PLCG1: variants seen among roughly 807,000 people sequenced by gnomAD.
PLCG1 encodes 1-phosphatidylinositol 4,5-bisphosphate phosphodiesterase gamma-1.
In PLCG1, 71 loss-of-function variants were observed where a neutral mutation model predicts 177.8. The observed-to-expected ratio is 0.40, with a 90% CI of 0.33 to 0.49. The LOEUF is 0.49. PLCG1 is among the 20% of genes least tolerant of loss of function. PLCG1 has a pLI of 0.72. For missense variants in PLCG1, 1,281 were observed against 1,709.0 expected (o/e 0.75, Z 4.42); for synonymous variants, 658 against 647.9 (o/e 1.02, Z -0.24).
chr20:41,158,927 G>A (rs376711019), intron 1 of PLCG1, among the ~76,000 whole-genome samples: 2 of 152,238 alleles, frequency 1.3e-5, no homozygotes, highest in African/African-American at 4.8e-5. Flanking sequence ...ATTCAAGCCC[G>A]TGTACCTCTC....
At chr20:41,158,813 G>A (rs1021766786) in intron 1 of PLCG1, among the ~76,000 whole-genome samples, 1 of 152,220 alleles carries the variant, frequency 6.6e-6, no homozygotes, top group East Asian at 1.9e-4. Context: ...GAGAAACTCA[G>A]TCAAGCCCTT....
intron 1 of PLCG1, among the ~76,000 whole-genome samples, chr20:41,138,563 C>T (rs986907142): frequency 6.6e-6 from 1 of 150,932 alleles, no homozygotes; most frequent in African/African-American, 2.4e-5. Context: ...AATGCCAGGG[C>T]AGGGACTCCC....
chr20:41,165,156 C>T lies in PLCG1; in HGVS notation c.1386+55C>T. On this transcript the variant is annotated intron_variant, in intron 13 of 31. Coordinates refer to ENST00000685551, the MANE Select transcript of PLCG1 (RefSeq NM_002660.3). The surrounding 1 kb of genome is among the most constrained non-coding windows in gnomAD (Gnocchi z 6.6). Reference sequence around the variant, plus strand: ...CACACTTCTCAGTGCCTTGCCCAGGCCATGGCTTCAGCTGTTGGGCCTAAA... The same window carrying T: ...CACACTTCTCAGTGCCTTGCCCAGGTCATGGCTTCAGCTGTTGGGCCTAAA... The T allele has an allele frequency of 1.6e-5, 25 of 1,602,954 alleles. No individual in the cohort carries two copies. Among genetic ancestry groups the T allele is most frequent in the Non-Finnish European group, 2.0e-5 (24 of 1,173,110 alleles).
rs1050406589 is a variant in PLCG1 at position 41,151,400 on chromosome 20, G to A, written c.218-8206G>A. ...ACCAAGCTTGTCCAACTCGCTGCCC[G>A]CGGGTCTGGTTTGAAGGCAGCTGCT... On this transcript the variant is annotated intron_variant, in intron 1 of 31. Transcript: ENST00000685551. This position sits in a 1 kb window ranked among gnomAD's most constrained non-coding sequence, Gnocchi z 5.5. Among the ~76,000 whole-genome samples, 4 of 152,188 alleles carry A rather than the reference G, an allele frequency of 2.6e-5. No individual in the cohort carries two copies. The highest frequency in any genetic ancestry group is 7.2e-5 in the African/African-American group (3 of 41,440).
chr20:41,173,289 C>A lies in PLCG1; in HGVS notation c.3280-131C>A. On this transcript the variant is annotated intron_variant, in intron 27 of 31. Coordinates refer to ENST00000685551, the MANE Select transcript of PLCG1 (RefSeq NM_002660.3). The surrounding 1 kb of genome is among the most constrained non-coding windows in gnomAD (Gnocchi z 6.2). ...GGGTCCCTGATGTCGTGAGGGACTC[C>A]ATGGGCAGTGTCCCGGGGGCCCAGC... 1 of 891,708 alleles carries A rather than the reference C, an allele frequency of 1.1e-6. No individual in the cohort carries two copies. The highest frequency in any genetic ancestry group is 1.7e-6 in the Non-Finnish European group (1 of 592,874). The allele number at this position is 891,708 out of a possible 1,614,324, so 55.2% of individuals were successfully genotyped here.
rs1421764134 is a variant in PLCG1, at chr20:41,137,938, G to C, written c.217+80G>C. ...CGGCCCGACTGCTTGCACCCCGGCC[G>C]GCCGCCCCAGCGACTTGGGCAAACT... On this transcript the variant is annotated intron_variant, in intron 1 of 31. Transcript: ENST00000685551. This position sits in a 1 kb window ranked among gnomAD's most constrained non-coding sequence, Gnocchi z 7.3. 27 of 1,016,014 alleles carry C rather than the reference G, an allele frequency of 2.7e-5. No homozygotes were observed. Among genetic ancestry groups the C allele is most frequent in the Non-Finnish European group, 3.5e-5 (27 of 781,104 alleles). The allele number at this position is 1,016,014 out of a possible 1,614,324, so 62.9% of individuals were successfully genotyped here.
intron 1 of PLCG1, among the ~76,000 whole-genome samples, chr20:41,155,586 TC>T (rs543495298): frequency 1.2e-3 from 179 of 152,280 alleles, no homozygotes; most frequent in Admixed American, 2.4e-3. Flanking sequence ...AATGCCCCCA[TC>T]CCTGCCAGGC....
chr20:41,174,695 C>T lies in PLCG1; in HGVS notation c.*186C>T. 1.6e-6 allele frequency: 1 copy of T among 617,112 alleles called. No homozygotes were observed. Among genetic ancestry groups the T allele is most frequent in the Admixed American group, 2.7e-5 (1 of 37,034 alleles). 38.2% of individuals were successfully genotyped at this position (617,112 alleles called of 1,614,324 possible). On this transcript the variant is annotated 3_prime_UTR_variant, in exon 32 of 32. Transcript: ENST00000685551. This position sits in a 1 kb window ranked among gnomAD's most constrained non-coding sequence, Gnocchi z 5.8. ...GAGATGTTATTACTGTTTTGGGCCT[C>T]CATGCCCCAGCTCTGGATGAAGGCA...
Position 41,139,852 on chromosome 20 carries a change from A to G in PLCG1, c.217+1994A>G, listed in dbSNP as rs13037246. 8.5e-3 allele frequency among the ~76,000 whole-genome samples: 1,297 copies of G among 152,294 alleles called. 17 individuals are homozygous for G. Among genetic ancestry groups the G allele is most frequent in the South Asian group, 0.051 (245 of 4,822 alleles). ...CATTTCACTTAGATTGCTACTCAGAAAAAGGCAGGAAACAGTTTTGTTTTG... is the reference window on the plus strand; with the variant it reads ...CATTTCACTTAGATTGCTACTCAGAGAAAGGCAGGAAACAGTTTTGTTTTG... On this transcript the variant is annotated intron_variant, in intron 1 of 31. Transcript: ENST00000685551.
chr20:41,166,292 A>C lies in PLCG1; in HGVS notation c.1898A>C (p.Tyr633Ser). Residue 633 changes from tyrosine (Y) to serine (S), a missense_variant, in exon 17 of 32, where the codon TAT (tyrosine) becomes TCT (serine). Around this residue, in one of 4 missense-constraint regions of PLCG1, gnomAD observed 723 missense variants for 1,030.0 expected, o/e 0.70. Coordinates refer to ENST00000685551, the MANE Select transcript of PLCG1 (RefSeq NM_002660.3). This position sits in a 1 kb window ranked among gnomAD's most constrained non-coding sequence, Gnocchi z 8.6. ...GACAACCTCGTCTTTGACTCCCTCT[A>C]TGACCTCATCACGCACTACCAGCAG... ...LTDNLVFDSL[Y>S]DLITHYQQVP... The C allele has an allele frequency of 6.2e-7, 1 of 1,614,094 alleles. No homozygotes were observed. Among genetic ancestry groups the C allele is most frequent in the Non-Finnish European group, 8.5e-7 (1 of 1,179,996 alleles).
intron 21 of PLCG1, 71 bp downstream of exon 21, chr20:41,168,941 T>C: frequency 8.5e-7 from 1 of 1,176,546 alleles, no homozygotes; most frequent in Non-Finnish European, 1.3e-6. Context: ...GACATGCATT[T>C]GTGATGTGCT....
intron 24 of PLCG1, 21 bp downstream of exon 24, chr20:41,170,290 T>A (rs2035851877): frequency 6.2e-7 from 1 of 1,613,646 alleles, no homozygotes; most frequent in Non-Finnish European, 8.5e-7. Context: ...GCTGGAACCT[T>A]CTGGGGGGCA....
At position 41,137,692 on chromosome 20, in the gene PLCG1, C is replaced by T. The variant is rs1255151342; in HGVS notation, c.51C>T (p.Pro17=). 2 of 1,322,218 alleles carry T rather than the reference C, an allele frequency of 1.5e-6. No individual in the cohort carries two copies. The highest frequency in any genetic ancestry group is 1.9e-6 in the Non-Finnish European group (2 of 1,035,066). The allele number at this position is 1,322,218 out of a possible 1,614,324, so 81.9% of individuals were successfully genotyped here. ...CCAACGGCTGCGGGCCCGGCGCGCCCTCGGACGCCGAGGTGCTGCACCTCT... is the reference window on the plus strand; with the variant it reads ...CCAACGGCTGCGGGCCCGGCGCGCCTTCGGACGCCGAGGTGCTGCACCTCT... ...PCANGCGPGA[P]SDAEVLHLCR... is the part of the protein sequence containing the mutation. The change falls in exon 1 of 32, where the codon CCC becomes CCT. Residue 17 remains proline (P), a synonymous_variant. Coordinates refer to ENST00000685551, the MANE Select transcript of PLCG1 (RefSeq NM_002660.3). This position sits in a 1 kb window ranked among gnomAD's most constrained non-coding sequence, Gnocchi z 7.3.
Position 41,176,584 on chromosome 20 carries a change from T to C in PLCG1, c.*2075T>C, listed in dbSNP as rs1246225810. 1 of 152,264 alleles carries C rather than the reference T, an allele frequency of 6.6e-6. No individual in the cohort carries two copies. The highest frequency in any genetic ancestry group is 1.9e-4 in the East Asian group (1 of 5,206). The allele number at this position is 152,264 out of a possible 1,614,324, so 9.4% of individuals were successfully genotyped here. A position where few individuals can be genotyped will look rare whatever the true frequency, so the allele number is the denominator to read the frequency against. On this transcript the variant is annotated 3_prime_UTR_variant, in exon 32 of 32. Coordinates refer to ENST00000685551, the MANE Select transcript of PLCG1 (RefSeq NM_002660.3). Reference sequence around the variant, plus strand: ...TCTATTTGCTGAACAAGTGTCTTTCTGGAACACAACCTGGGGAACAGACAG... The same window carrying C: ...TCTATTTGCTGAACAAGTGTCTTTCCGGAACACAACCTGGGGAACAGACAG...
chr20:41,157,202 C>CTGTGTGTG lies in PLCG1; in HGVS notation c.218-2403_218-2402insGTGTGTGT, dbSNP rs1491358367. Among the ~76,000 whole-genome samples the CTGTGTGTG allele has an allele frequency of 1.7e-5, 1 of 59,318 alleles. No individual in the cohort carries two copies. The highest frequency in any genetic ancestry group is 3.0e-5 in the Non-Finnish European group (1 of 33,640). 38.9% of individuals were successfully genotyped at this position (59,318 alleles called of 152,430 possible). A position where few individuals can be genotyped will look rare whatever the true frequency, so the allele number is the denominator to read the frequency against. ...ATGTGCAGGAGTGCAGGCCTGTTGA[C>CTGTGTGTG]TCTGTGTGTGTGTGTGTGTGTGTGT... On this transcript the variant is annotated intron_variant, in intron 1 of 31. Coordinates refer to ENST00000685551, the MANE Select transcript of PLCG1 (RefSeq NM_002660.3). This position sits in a 1 kb window ranked among gnomAD's most constrained non-coding sequence, Gnocchi z 5.4.
Position 41,159,285 on chromosome 20 carries a change from G to T in PLCG1, c.218-321G>T, listed in dbSNP as rs1479667762. The stretch of plus-strand genomic sequence containing the variant: ...AAGTGGTCCTCATGAACAGCCTTGG[G>T]TCCCTATTTCTTCTTCTGGAGTCTA... On this transcript the variant is annotated intron_variant, in intron 1 of 31. Coordinates refer to ENST00000685551, the MANE Select transcript of PLCG1 (RefSeq NM_002660.3). The surrounding 1 kb of genome is among the most constrained non-coding windows in gnomAD (Gnocchi z 6.0). 1.3e-5 allele frequency among the ~76,000 whole-genome samples: 2 copies of T among 152,118 alleles called. No individual in the cohort carries two copies. Among genetic ancestry groups the T allele is most frequent in the African/African-American group, 4.8e-5 (2 of 41,410 alleles).
chr20:41,170,056 G>C lies in PLCG1; in HGVS notation c.2651-56G>C, dbSNP rs956679253. ...TGAGCCAGTGCCTGCGGTGTGGAGTGGGGTGGAGGGGGTGAGATGTCTATT... is the reference window on the plus strand; with the variant it reads ...TGAGCCAGTGCCTGCGGTGTGGAGTCGGGTGGAGGGGGTGAGATGTCTATT... On this transcript the variant is annotated intron_variant, in intron 23 of 31. Coordinates refer to ENST00000685551, the MANE Select transcript of PLCG1 (RefSeq NM_002660.3). 4.7e-6 allele frequency: 7 copies of C among 1,488,620 alleles called. No homozygotes were observed. The African/African-American group carries it at 8.3e-5, about 18-fold the overall frequency. 92.2% of individuals were successfully genotyped at this position (1,488,620 alleles called of 1,614,324 possible). A position where few individuals can be genotyped will look rare whatever the true frequency, so the allele number is the denominator to read the frequency against.
rs1158847917 is a variant in PLCG1, at chr20:41,172,078, G to C, written c.2809-115G>C. ...GTGGTGTCTGGAAGGTACAGGGGAA[G>C]GTGGGAGAGGGGCCCAGAGCACCTG... is the stretch of plus-strand genomic sequence containing the variant. On this transcript the variant is annotated intron_variant, in intron 24 of 31. Coordinates refer to ENST00000685551, the MANE Select transcript of PLCG1 (RefSeq NM_002660.3). The surrounding 1 kb of genome is among the most constrained non-coding windows in gnomAD (Gnocchi z 7.0). The C allele has an allele frequency of 1.3e-6, 1 of 775,830 alleles. No individual in the cohort carries two copies. The highest frequency in any genetic ancestry group is 2.4e-5 in the East Asian group (1 of 41,158). The allele number at this position is 775,830 out of a possible 1,614,324, so 48.1% of individuals were successfully genotyped here.
Position 41,174,413 on chromosome 20 carries a change from C to A in PLCG1, c.3834-54C>A. On this transcript the variant is annotated intron_variant, in intron 31 of 31. Coordinates refer to ENST00000685551, the MANE Select transcript of PLCG1 (RefSeq NM_002660.3). The surrounding 1 kb of genome is among the most constrained non-coding windows in gnomAD (Gnocchi z 5.8). ...GTAGAAAAGTTGTAATATTGTCTGG[C>A]ATTGGGCTGCAAGGCCCTGCCTGCC... 1 of 1,592,680 alleles carries A rather than the reference C, an allele frequency of 6.3e-7. No individual in the cohort carries two copies. Among genetic ancestry groups the A allele is most frequent in the Non-Finnish European group, 8.6e-7 (1 of 1,166,088 alleles).
Sources: gnomAD v4.1 joint callset for allele counts (sites outside exome capture counted in the v4.1 genomes callset) on GRCh38, gnomAD v4.1.1 for gene constraint, gnomAD v4.1.1 regional missense constraint, Gnocchi (gnomAD v3.1) non-coding constraint, MANE v1.5 for transcripts, NCBI Gene and HGNC (gene_info 2026-07-23, HGNC 2026-07-21) for gene names.